The following TMED8 variants were observed in gnomAD, a reference collection of about 807,000 sequenced individuals.
TMED8 encodes the protein protein TMED8.
In TMED8, 15 loss-of-function variants were observed where a neutral mutation model predicts 32.7. The ratio of observed to expected loss-of-function variants is 0.46; its 90% CI spans 0.31 to 0.71. The LOEUF is 0.71. Ranked by LOEUF, TMED8 falls within the 30% of genes least tolerant of loss-of-function variation. TMED8 has a pLI of 0.06. For synonymous variants in TMED8, 147 were observed against 161.4 expected (o/e 0.91, Z 0.68); for missense variants, 390 against 423.9 (o/e 0.92, Z 0.70).
intron 2 of TMED8, among the ~76,000 whole-genome samples, chr14:77,350,451 G>T (rs561363766): frequency 1.5e-3 from 227 of 152,260 alleles, no homozygotes; most frequent in African/African-American, 5.0e-3. Flanking sequence ...CAAAATATTT[G>T]TTGAATAAAA....
At position 77,376,685 on chromosome 14, in the gene TMED8, T is replaced by G; in HGVS notation, c.118+251A>C. ...GGGCAGAGCCACCCTGTCACTACCA[T>G]TTGGGCAGATCTCAGAAAGGAAGCG... On this transcript the variant is annotated intron_variant, in intron 1 of 5. Coordinates refer to ENST00000216468, the MANE Select transcript of TMED8 (RefSeq NM_213601.3). The surrounding 1 kb of genome is among the most constrained non-coding windows in gnomAD (Gnocchi z 4.0). 2.1e-5 allele frequency: 6 copies of G among 287,626 alleles called. No homozygotes were observed. The highest frequency in any genetic ancestry group is 3.2e-5 in the Non-Finnish European group (5 of 155,894). The allele number at this position is 287,626 out of a possible 1,614,324, so 17.8% of individuals were successfully genotyped here.
intron 1 of TMED8, among the ~76,000 whole-genome samples, chr14:77,358,147 A>C (rs1893335998): frequency 6.7e-6 from 1 of 149,794 alleles, no homozygotes; most frequent in Non-Finnish European, 1.5e-5. Context: ...AAAAAAAAGA[A>C]ATTGTATTTA....
At position 77,335,291 on chromosome 14, in the gene TMED8, A is replaced by G. The variant is rs745833944; in HGVS notation, c.*6480T>C. 1 of 152,196 alleles carries G rather than the reference A, an allele frequency of 6.6e-6. No individual in the cohort carries two copies. The highest frequency in any genetic ancestry group is 2.4e-5 in the African/African-American group (1 of 41,448). The allele number at this position is 152,196 out of a possible 1,614,324, so 9.4% of individuals were successfully genotyped here. A position where few individuals can be genotyped will look rare whatever the true frequency, so the allele number is the denominator to read the frequency against. On this transcript the variant is annotated 3_prime_UTR_variant, in exon 6 of 6. Transcript: ENST00000216468. ...TTGGTAAGACTCTTAGAAATCACAGATGTTGATAGCATTTCTCATGATAGG... is the reference window on the plus strand; with the variant it reads ...TTGGTAAGACTCTTAGAAATCACAGGTGTTGATAGCATTTCTCATGATAGG...
intron 1 of TMED8, among the ~76,000 whole-genome samples, chr14:77,371,821 A>G (rs546001927): frequency 1.3e-5 from 2 of 152,346 alleles, no homozygotes; most frequent in South Asian, 4.1e-4. Flanking sequence ...CCAATTCTGA[A>G]AGTATTCCTA....
In TMED8 at chr14:77,376,918, C is replaced by A; in HGVS notation, c.118+18G>T. 7.1e-7 allele frequency: 1 copy of A among 1,404,576 alleles called. No homozygotes were observed. The highest frequency in any genetic ancestry group is 3.1e-5 in the East Asian group (1 of 32,466). The allele number at this position is 1,404,576 out of a possible 1,614,324, so 87.0% of individuals were successfully genotyped here. ...AGGCCGGGCGGCACCCACCCGCCAG[C>A]GCCCCGGCCTTGCGTACCTGAGGCG... On this transcript the variant is annotated intron_variant, in intron 1 of 5. Transcript: ENST00000216468. The surrounding 1 kb of genome is among the most constrained non-coding windows in gnomAD (Gnocchi z 4.0).
intron 1 of TMED8, among the ~76,000 whole-genome samples, chr14:77,353,152 G>A (rs1175854276): frequency 6.6e-6 from 1 of 152,134 alleles, no homozygotes; most frequent in Non-Finnish European, 1.5e-5. Flanking sequence ...ATGCTACTTA[G>A]TTTTGTGGGT....
At position 77,340,991 on chromosome 14, in the gene TMED8, C is replaced by G. The variant is rs1358005327; in HGVS notation, c.*780G>C. The G allele has an allele frequency of 6.6e-6, 1 of 151,148 alleles. No homozygotes were observed. Among genetic ancestry groups the G allele is most frequent in the East Asian group, 1.9e-4 (1 of 5,152 alleles). The allele number at this position is 151,148 out of a possible 1,614,324, so 9.4% of individuals were successfully genotyped here. A position where few individuals can be genotyped will look rare whatever the true frequency, so the allele number is the denominator to read the frequency against. On this transcript the variant is annotated 3_prime_UTR_variant, in exon 6 of 6. Transcript: ENST00000216468. ...TGTGGGTTCTGACATCAATTCAGTA[C>G]CTAATTTCCACTCTCTCCACTTTGA...
At position 77,336,294 on chromosome 14, in the gene TMED8, C is replaced by G. The variant is rs1485912470; in HGVS notation, c.*5477G>C. 1 of 151,964 alleles carries G rather than the reference C, an allele frequency of 6.6e-6. No individual in the cohort carries two copies. The allele number at this position is 151,964 out of a possible 1,614,324, so 9.4% of individuals were successfully genotyped here. On this transcript the variant is annotated 3_prime_UTR_variant, in exon 6 of 6. Coordinates refer to ENST00000216468, the MANE Select transcript of TMED8 (RefSeq NM_213601.3). ...TTTCTAGGGCAACTTTTCATCATAT[C>G]TTTGAAGAGTCATGACATTAACTCT...
In TMED8 at chr14:77,337,455, C is replaced by G. The variant is rs1892789139; in HGVS notation, c.*4316G>C. 1 of 151,990 alleles carries G rather than the reference C, an allele frequency of 6.6e-6. No homozygotes were observed. Among genetic ancestry groups the G allele is most frequent in the Non-Finnish European group, 1.5e-5 (1 of 68,042 alleles). The allele number at this position is 151,990 out of a possible 1,614,324, so 9.4% of individuals were successfully genotyped here. ...CCAGTCTGGAGTGCAGTGGCATGAT[C>G]TCGGCTCGCTGCAACCTCTGCCTCC... On this transcript the variant is annotated 3_prime_UTR_variant, in exon 6 of 6. Transcript: ENST00000216468.
chr14:77,363,016 A>G (rs961398585), intron 1 of TMED8, among the ~76,000 whole-genome samples: 1 of 152,248 alleles, frequency 6.6e-6, no homozygotes, highest in African/African-American at 2.4e-5. Context: ...AGATAGCAAT[A>G]TAAGAATAGT....
intron 1 of TMED8, among the ~76,000 whole-genome samples, chr14:77,361,719 G>A (rs1566691489): frequency 6.6e-6 from 1 of 152,070 alleles, no homozygotes; most frequent in Non-Finnish European, 1.5e-5. Flanking sequence ...CTTCCCATAT[G>A]TTTGTGTCTT....
rs1312893379 is a variant in TMED8 at position 77,376,322 on chromosome 14, A to G, written c.118+614T>C. Among the ~76,000 whole-genome samples, 2 of 152,234 alleles carry G rather than the reference A, an allele frequency of 1.3e-5. No individual in the cohort carries two copies. Among genetic ancestry groups the G allele is most frequent in the Non-Finnish European group, 2.9e-5 (2 of 68,044 alleles). ...GCTCTTGCTTTGGCTACTGTGTTCA[A>G]GCAAAAGACCCCAGACACTACCTAT... On this transcript the variant is annotated intron_variant, in intron 1 of 5. Transcript: ENST00000216468. The surrounding 1 kb of genome is among the most constrained non-coding windows in gnomAD (Gnocchi z 4.0).
At position 77,341,574 on chromosome 14, in the gene TMED8, C is replaced by G. The variant is rs1892899281; in HGVS notation, c.*197G>C. ...AGGGTATGAGTCAGGGACTACAGAA[C>G]AGGGGCACTACACCACCACCTGCAG... On this transcript the variant is annotated 3_prime_UTR_variant, in exon 6 of 6. Coordinates refer to ENST00000216468, the MANE Select transcript of TMED8 (RefSeq NM_213601.3). The G allele has an allele frequency of 1.7e-6, 1 of 605,964 alleles. No individual in the cohort carries two copies. The allele number at this position is 605,964 out of a possible 1,614,324, so 37.5% of individuals were successfully genotyped here.
chr14:77,375,340 A>G (rs2139643998), intron 1 of TMED8, among the ~76,000 whole-genome samples: 1 of 152,292 alleles, frequency 6.6e-6, no homozygotes, highest in South Asian at 2.1e-4. Context: ...TCAGGGGGAA[A>G]AAAAAACACA....
chr14:77,351,972 T>C (rs1413945146), intron 1 of TMED8, among the ~76,000 whole-genome samples: 1 of 152,206 alleles, frequency 6.6e-6, no homozygotes, highest in Non-Finnish European at 1.5e-5. Context: ...AAATCATTTC[T>C]AAAACAAGGC....
chr14:77,345,870 G>A (rs935445868), intron 3 of TMED8, among the ~76,000 whole-genome samples: 10 of 150,928 alleles, frequency 6.6e-5, no homozygotes, highest in Admixed American at 3.3e-4. Flanking sequence ...CTCGGGAGGC[G>A]AGGTGGGACA....
chr14:77,365,545 A>G (rs1191874615), intron 1 of TMED8, among the ~76,000 whole-genome samples: 1 of 152,234 alleles, frequency 6.6e-6, no homozygotes, highest in East Asian at 1.9e-4. Context: ...GGCTGAATGA[A>G]CAAAACCAAG....
intron 1 of TMED8, chr14:77,359,565 C>T (rs752087434): frequency 1.5e-5 from 6 of 412,900 alleles, no homozygotes; most frequent in Non-Finnish European, 2.4e-5. Flanking sequence ...TATCTGCTAT[C>T]GAGTAAAACT....
intron 3 of TMED8, among the ~76,000 whole-genome samples, chr14:77,344,454 G>A (rs1892981629): frequency 1.3e-5 from 2 of 152,220 alleles, no homozygotes; most frequent in African/African-American, 2.4e-5. Context: ...CCCAGGACTT[G>A]CATTTAAACA....
Sources: allele counts gnomAD v4.1 joint callset (sites outside exome capture counted in the v4.1 genomes callset), GRCh38; gene constraint gnomAD v4.1.1; non-coding constraint Gnocchi (gnomAD v3.1); transcripts MANE v1.5; gene names NCBI Gene and HGNC (gene_info 2026-07-23, HGNC 2026-07-21).